Variants in PSD4 observed in about 807,000 individuals in gnomAD.
PSD4 encodes PH and SEC7 domain-containing protein 4.
In PSD4, 59 loss-of-function variants were observed where a neutral mutation model predicts 112.5. The ratio of observed to expected loss-of-function variants is 0.52; its 90% CI spans 0.43 to 0.65. The LOEUF is 0.65. Ranked by LOEUF, PSD4 falls within the 30% of genes least tolerant of loss-of-function variation. The probability of loss-of-function intolerance (pLI) is 0.00; values close to 1 mark genes in which losing one functional copy is unlikely to be tolerated. For missense variants in PSD4, 1,267 were observed against 1,352.6 expected, an observed-to-expected ratio of 0.94 and a Z score of 0.99; for synonymous variants, 533 against 540.0, an observed-to-expected ratio of 0.99 and a Z score of 0.18.
Position 113,196,131 on chromosome 2 carries a change from A to G in PSD4, c.2226-16A>G. On this transcript the variant is annotated splice_polypyrimidine_tract_variant and intron_variant, in intron 11 of 16. Transcript: ENST00000245796. ...TTGCATAGTCAGCACTTCCAGCCCG[A>G]TTCTCTGATGTTCAGGGATGAAGAA... is the stretch of plus-strand genomic sequence containing the variant. 2 of 1,600,754 alleles carry G rather than the reference A, an allele frequency of 1.2e-6. No homozygotes were observed. The highest frequency in any genetic ancestry group is 8.6e-7 in the Non-Finnish European group (1 of 1,169,072).
In PSD4 at chr2:113,186,140, A is replaced by G. The variant is rs1171853611; in HGVS notation, c.1513A>G (p.Lys505Glu). The change falls in exon 5 of 17, where the codon AAA becomes GAA. Residue 505 changes from lysine (K) to glutamate (E), a missense_variant. By Grantham distance (56) the Lys-to-Glu change is moderately conservative. Transcript: ENST00000245796. ...TGGGGAACAGCCAAGTTCCTTGAAG[A>G]AAAAGGAGGCAGGGGAGGCCCCAAA... ...TDGEQPSSLK[K>E]KEAGEAPKPG... is the part of the protein sequence containing the mutation. 2 of 1,614,172 alleles carry G rather than the reference A, an allele frequency of 1.2e-6. No individual in the cohort carries two copies. Among genetic ancestry groups the G allele is most frequent in the Non-Finnish European group, 1.7e-6 (2 of 1,180,040 alleles).
intron 10 of PSD4, among the ~76,000 whole-genome samples, chr2:113,194,193 G>T (rs928985968): frequency 6.6e-6 from 1 of 152,218 alleles, no homozygotes; most frequent in East Asian, 1.9e-4. Flanking sequence ...GACTCTCTGA[G>T]ACTGGGACCC....
chr2:113,195,549 A>ATGGC (rs1491424774), intron 10 of PSD4, among the ~76,000 whole-genome samples, 178 bp from the exon 11 acceptor site: 21 of 54,184 alleles, frequency 3.9e-4, no homozygotes, highest in Non-Finnish European at 1.1e-3. Context: ...GGATGGATGG[A>ATGGC]TGGATGGATG....
intron 5 of PSD4, among the ~76,000 whole-genome samples, chr2:113,190,216 T>C (rs1452571456): frequency 6.6e-6 from 1 of 152,198 alleles, no homozygotes; most frequent in African/African-American, 2.4e-5. Context: ...GGATCCAGTG[T>C]CATTCTCCTT....
chr2:113,174,258 C>G (rs1024733556), intron 1 of PSD4, among the ~76,000 whole-genome samples: 1 of 152,140 alleles, frequency 6.6e-6, no homozygotes, highest in Non-Finnish European at 1.5e-5. Flanking sequence ...GTGTCCCGTC[C>G]CCCTCCTCCC....
chr2:113,183,644 T>A, intron 2 of PSD4, 132 bp downstream of exon 2: 1 of 835,732 alleles, frequency 1.2e-6, no homozygotes, highest in Non-Finnish European at 1.8e-6. Flanking sequence ...CATCAGTATA[T>A]AGCAGGGTAA....
intron 5 of PSD4, among the ~76,000 whole-genome samples, chr2:113,187,030 T>A (rs921680967): frequency 2.6e-5 from 4 of 152,174 alleles, no homozygotes; most frequent in South Asian, 2.1e-4. Context: ...TGGCAAGGGT[T>A]CCCCGAGCTC....
At chr2:113,177,521 T>C (rs1178800195) in intron 1 of PSD4, among the ~76,000 whole-genome samples, 1 of 152,154 alleles carries the variant, frequency 6.6e-6, no homozygotes, top group African/African-American at 2.4e-5. Flanking sequence ...GAATGATGCT[T>C]AAGAGAGCTG....
Position 113,183,249 on chromosome 2 carries a change from T to G in PSD4, c.793T>G (p.Cys265Gly), listed in dbSNP as rs1463678033. 1 of 1,614,048 alleles carries G rather than the reference T, an allele frequency of 6.2e-7. No individual in the cohort carries two copies. The highest frequency in any genetic ancestry group is 1.1e-5 in the South Asian group (1 of 91,072). ...CTCAGAGAACAGTGCTTCTGGAGAG[T>G]GCTTTTCCTGGGGGGCTTCAGACTC... ...PCSENSASGE[C>G]FSWGASDSHA... Residue 265 changes from cysteine to glycine, a missense_variant, in exon 2 of 17, where the codon TGC (cysteine) becomes GGC (glycine). Coordinates refer to ENST00000245796, the MANE Select transcript of PSD4 (RefSeq NM_012455.3).
At position 113,186,059 on chromosome 2, in the gene PSD4, G is replaced by A; in HGVS notation, c.1432G>A (p.Gly478Ser). 6.2e-7 allele frequency: 1 copy of A among 1,614,234 alleles called. No homozygotes were observed. The highest frequency in any genetic ancestry group is 8.5e-7 in the Non-Finnish European group (1 of 1,180,052). Reference sequence around the variant, plus strand: ...CCCGCAGCTTCAACACCACAGCTCAGGCATTTTGCCCAAGTGGACACTAGA... The same window carrying A: ...CCCGCAGCTTCAACACCACAGCTCAAGCATTTTGCCCAAGTGGACACTAGA... Reference protein sequence around the residue: ...GSPQLQHHSSGILPKWTLDAS... With the variant: ...GSPQLQHHSSSILPKWTLDAS... The change falls in exon 5 of 17, where the codon GGC (glycine) becomes AGC (serine). Residue 478 changes from glycine (G) to serine (S), a missense_variant. By Grantham distance (56) the Gly-to-Ser change is moderately conservative. Around this residue, in one of 2 missense-constraint regions of PSD4, gnomAD observed 723 missense variants for 704.0 expected, o/e 1.03. Transcript: ENST00000245796.
intron 3 of PSD4, 56 bp from the exon 4 acceptor site, chr2:113,185,309 C>A: frequency 2.5e-6 from 4 of 1,605,474 alleles, no homozygotes; most frequent in Non-Finnish European, 3.4e-6. Context: ...GCCTCTCCCC[C>A]ATCCACCTCT....
chr2:113,193,806 T>A (rs1396521131), intron 9 of PSD4, 53 bp from the exon 10 acceptor site: 1 of 1,588,436 alleles, frequency 6.3e-7, no homozygotes, highest in Non-Finnish European at 8.6e-7. Context: ...TGGGAGGTTA[T>A]TCTATTGGGA....
chr2:113,198,955 G>T, intron 15 of PSD4, 71 bp downstream of exon 15: 1 of 1,533,190 alleles, frequency 6.5e-7, no homozygotes, highest in Non-Finnish European at 8.7e-7. Context: ...GGACTAACTC[G>T]GGGAGGCTGG....
intron 1 of PSD4, among the ~76,000 whole-genome samples, chr2:113,176,412 T>G (rs962894051): frequency 1.3e-5 from 2 of 152,184 alleles, no homozygotes; most frequent in Admixed American, 6.5e-5. Flanking sequence ...GTATTCTCCA[T>G]GAGAAACATA....
chr2:113,192,619 G>A (rs777550248), intron 6 of PSD4, 30 bp downstream of exon 6: 4 of 1,607,142 alleles, frequency 2.5e-6, no homozygotes, highest in Non-Finnish European at 2.6e-6. Context: ...GGGAAGGCTG[G>A]AGGCTGAGGC....
At chr2:113,188,860 G>A (rs775083320) in intron 5 of PSD4, among the ~76,000 whole-genome samples, 2 of 152,176 alleles carry the variant, frequency 1.3e-5, no homozygotes, top group East Asian at 1.9e-4. Context: ...GAGCCACCAC[G>A]CCCTGCCTAT....
chr2:113,185,233 GATGGAGGGGCTTCTGCCTACTC>G (rs1688261542), intron 3 of PSD4, 110 bp from the exon 4 acceptor site: 2 of 1,544,198 alleles, frequency 1.3e-6, no homozygotes, highest in African/African-American at 2.7e-5. Context: ...GTGGGAGGAG[GATGGAGGGGCTTCTGCCTACTC>G]ATGGCATCCT....
At chr2:113,185,645 G>C in intron 4 of PSD4, 1 of 1,547,546 alleles carries the variant, frequency 6.5e-7, no homozygotes, top group Non-Finnish European at 8.7e-7. Context: ...TCTTACCGCT[G>C]GGTCTTAATG....
rs1423812505 is a variant in PSD4 at position 113,202,227 on chromosome 2, A to G, written c.*812A>G. 6.6e-6 allele frequency: 1 copy of G among 152,478 alleles called. No individual in the cohort carries two copies. The highest frequency in any genetic ancestry group is 1.5e-5 in the Non-Finnish European group (1 of 68,240). The allele number at this position is 152,478 out of a possible 1,614,324, so 9.4% of individuals were successfully genotyped here. A position where few individuals can be genotyped will look rare whatever the true frequency, so the allele number is the denominator to read the frequency against. The stretch of plus-strand genomic sequence containing the variant: ...TGCAGGGAACCCTGGAACCCTAGGA[A>G]CAAGGAGCCTTTGTTCCAACAGAGC... On this transcript the variant is annotated 3_prime_UTR_variant, in exon 17 of 17. Coordinates refer to ENST00000245796, the MANE Select transcript of PSD4 (RefSeq NM_012455.3).
Sources: allele counts gnomAD v4.1 joint callset (sites outside exome capture counted in the v4.1 genomes callset), GRCh38; gene constraint gnomAD v4.1.1; regional missense constraint gnomAD v4.1.1; transcripts MANE v1.5; gene names NCBI Gene and HGNC (gene_info 2026-07-23, HGNC 2026-07-21).